OPHN1: variants seen among roughly 807,000 people sequenced by gnomAD.
The protein encoded by OPHN1 is oligophrenin 1.
In OPHN1, 11 loss-of-function variants were observed where a neutral mutation model predicts 60.7. The observed-to-expected ratio is 0.18, with a 90% confidence interval of 0.11 to 0.30. The LOEUF (loss-of-function observed/expected upper bound fraction) is 0.30. Among genes scored for constraint, OPHN1 ranks in the 10% least tolerant of loss-of-function variants. The pLI is 1.00. For missense variants in OPHN1, 449 were observed against 611.0 expected (o/e 0.73, Z 2.80); for synonymous variants, 226 against 222.6 (o/e 1.02, Z -0.14).
At chrX:68,189,497 C>T (rs1311915852) in intron 15 of OPHN1, among the ~76,000 whole-genome samples, 1 of 108,131 alleles carries the variant, frequency 9.2e-6, no homozygotes, top group African/African-American at 3.4e-5. Context: ...TAATGCTATC[C>T]CTCCCACCTC....
intron 19 of OPHN1, among the ~76,000 whole-genome samples, chrX:68,095,711 T>C (rs920088342): frequency 9.0e-6 from 1 of 111,542 alleles, no homozygotes; most frequent in African/African-American, 3.3e-5. Flanking sequence ...CACCAAGTCC[T>C]GCTGCTTTTG....
chrX:68,212,079 C>A, intron 8 of OPHN1, 29 bp downstream of exon 8: 3 of 1,038,060 alleles, frequency 2.9e-6, no homozygotes, highest in Non-Finnish European at 4.0e-6. Context: ...ATGGAAAGAC[C>A]GGTGAGAAAA....
At chrX:68,156,031 G>A (rs2077307680) in intron 15 of OPHN1, among the ~76,000 whole-genome samples, 1 of 111,450 alleles carries the variant, frequency 9.0e-6, no homozygotes, top group Admixed American at 9.6e-5. Context: ...CAGAGAAAAT[G>A]TGTCAGCATC....
chrX:68,421,496 G>A (rs1275728650), intron 2 of OPHN1, among the ~76,000 whole-genome samples: 1 of 111,519 alleles, frequency 9.0e-6, no homozygotes, highest in African/African-American at 3.3e-5. Flanking sequence ...AAAGTTGTAA[G>A]GGGCAGCTAT....
At chrX:68,383,598 GAAAAAAAAAAA>G (rs10591078) in intron 2 of OPHN1, among the ~76,000 whole-genome samples, 1 of 22,366 alleles carries the variant, frequency 4.5e-5, no homozygotes, top group African/African-American at 1.7e-4. Flanking sequence ...CTCCATCCCA[GAAAAAAAAAAA>G]AAAAAAAAAA....
intron 6 of OPHN1, among the ~76,000 whole-genome samples, chrX:68,227,107 C>T (rs1456780655): frequency 1.8e-5 from 2 of 111,121 alleles, no homozygotes; most frequent in Non-Finnish European, 3.8e-5. Context: ...GGTTGCAATC[C>T]TAGGCTCTGA....
rs1163304135 is a variant in OPHN1, at chrX:68,416,033, AATATATATATAT to A, written c.154+16822_154+16833del. Among the ~76,000 whole-genome samples, 218 of 29,714 alleles carry A rather than the reference AATATATATATAT, an allele frequency of 7.3e-3. 4 individuals are homozygous for A. Among genetic ancestry groups the A allele is most frequent in the African/African-American group, 0.02 (205 of 10,138 alleles). The allele number at this position is 29,714 out of a possible 115,157, so 25.8% of individuals were successfully genotyped here. A position where few individuals can be genotyped will look rare whatever the true frequency, so the allele number is the denominator to read the frequency against. ...CCGTCTCAAAAAAAAAAAATTATAT[AATATATATATAT>A]ATATATATATATATATATATATAGA... On this transcript the variant is annotated intron_variant, in intron 2 of 24. Transcript: ENST00000355520.
chrX:68,409,436 G>A (rs2078759185), intron 2 of OPHN1, among the ~76,000 whole-genome samples: 1 of 111,362 alleles, frequency 9.0e-6, no homozygotes, highest in African/African-American at 3.3e-5. Flanking sequence ...ACAATAAGGT[G>A]ATTATCACTA....
intron 5 of OPHN1, among the ~76,000 whole-genome samples, chrX:68,256,561 C>T (rs2077864629): frequency 9.0e-6 from 1 of 111,515 alleles, no homozygotes; most frequent in African/African-American, 3.3e-5. Context: ...CTTTATTATG[C>T]TTCACAGTTA....
At chrX:68,357,846 T>C (rs2078450137) in intron 2 of OPHN1, among the ~76,000 whole-genome samples, 1 of 110,852 alleles carries the variant, frequency 9.0e-6, no homozygotes, top group South Asian at 3.8e-4. Context: ...CCACAAGCTT[T>C]TGTTAAGATG....
At chrX:68,134,446 T>C (rs979690535) in intron 15 of OPHN1, among the ~76,000 whole-genome samples, 3 of 111,369 alleles carry the variant, frequency 2.7e-5, no homozygotes, top group African/African-American at 9.8e-5. Flanking sequence ...TGGTGAGAAA[T>C]TAGAACAAAC....
chrX:68,112,237 A>T, intron 17 of OPHN1: 1 of 241,093 alleles, frequency 4.1e-6, no homozygotes. Flanking sequence ...AGAAAGAAAA[A>T]AGGCAGAAAA....
At chrX:68,391,874 A>T (rs2078655315) in intron 2 of OPHN1, among the ~76,000 whole-genome samples, 1 of 111,250 alleles carries the variant, frequency 9.0e-6, no homozygotes, top group Admixed American at 9.7e-5. Flanking sequence ...GCAAGGAAAC[A>T]GGTTCTCCCC....
At chrX:68,224,885 G>A (rs948310499) in intron 6 of OPHN1, among the ~76,000 whole-genome samples, 9 of 112,243 alleles carry the variant, frequency 8.0e-5, no homozygotes, top group African/African-American at 2.9e-4. Context: ...TTGGACAGTG[G>A]GTGCAGCCCA....
chrX:68,432,109 G>C (rs1452085271), intron 2 of OPHN1, among the ~76,000 whole-genome samples: 1 of 110,809 alleles, frequency 9.0e-6, no homozygotes, highest in African/African-American at 3.3e-5. Context: ...TCCCACAGCT[G>C]AGTCAGCTGT....
intron 2 of OPHN1, among the ~76,000 whole-genome samples, chrX:68,322,628 C>T (rs1378612723): frequency 1.8e-5 from 2 of 110,781 alleles, no homozygotes; most frequent in African/African-American, 6.6e-5. Context: ...CTCCACTAAA[C>T]ATATAAAAAT....
intron 21 of OPHN1, among the ~76,000 whole-genome samples, chrX:68,062,727 T>C (rs2076897675): frequency 8.9e-6 from 1 of 112,537 alleles, no homozygotes; most frequent in Non-Finnish European, 1.9e-5. Flanking sequence ...GTGAAATTCC[T>C]TAAAGCTACA....
intron 20 of OPHN1, among the ~76,000 whole-genome samples, chrX:68,065,002 G>A (rs764280282): frequency 6.7e-4 from 74 of 110,626 alleles, no homozygotes; most frequent in African/African-American, 1.4e-3. Context: ...TGAGGTGGGC[G>A]GAGGGGGGAG....
chrX:68,432,247 C>G (rs769289109), intron 2 of OPHN1, among the ~76,000 whole-genome samples: 2 of 111,576 alleles, frequency 1.8e-5, no homozygotes, highest in Non-Finnish European at 3.8e-5. Flanking sequence ...TTGTTCCACA[C>G]TCAAGCAGAA....
Sources: gnomAD v4.1 joint callset for allele counts (sites outside exome capture counted in the v4.1 genomes callset) on GRCh38, gnomAD v4.1.1 for gene constraint, MANE v1.5 for transcripts, NCBI Gene and HGNC (gene_info 2026-07-23, HGNC 2026-07-21) for gene names.